Variants in ZNF200 observed in about 807,000 individuals in gnomAD.
ZNF200 encodes the protein zinc finger protein 200.
A neutral mutation model predicts 33.6 loss-of-function variants in ZNF200; 35 were observed. The observed-to-expected ratio is 1.04, with a 90% confidence interval of 0.80 to 1.38. The LOEUF is 1.38. Among genes scored for constraint, ZNF200 ranks in the 40% most tolerant of loss-of-function variants. The pLI is 0.00. For synonymous variants in ZNF200, 209 were observed against 167.7 expected, an observed-to-expected ratio of 1.25 and a Z score of -1.90; for missense variants, 592 against 470.6, an observed-to-expected ratio of 1.26 and a Z score of -2.39.
At chr16:3,229,583 C>T (rs1164113395) in intron 4 of ZNF200, among the ~76,000 whole-genome samples, 1 of 152,064 alleles carries the variant, frequency 6.6e-6, no homozygotes, top group Non-Finnish European at 1.5e-5. Context: ...TTAAATAATT[C>T]AAATGCTAGG....
At chr16:3,232,751 C>A in intron 3 of ZNF200, 82 bp downstream of exon 3, 1 of 1,502,056 alleles carries the variant, frequency 6.7e-7, no homozygotes, top group South Asian at 1.2e-5. Context: ...AAGGCCAACT[C>A]CTAAGAATGT....
rs1158533376 is a variant in ZNF200 at position 3,223,014 on chromosome 16, C to G, written c.*878G>C. ...ATCCAAGCCAACTTTTTCCTGCCTC[C>G]AGGTTGACCCTTCCTCTCTGGGTCT... On this transcript the variant is annotated 3_prime_UTR_variant, in exon 5 of 5. Coordinates refer to ENST00000414144, the MANE Select transcript of ZNF200 (RefSeq NM_198088.3). 6.6e-6 allele frequency: 1 copy of G among 152,234 alleles called. No homozygotes were observed. Among genetic ancestry groups the G allele is most frequent in the African/African-American group, 2.4e-5 (1 of 41,414 alleles). 9.4% of individuals were successfully genotyped at this position (152,234 alleles called of 1,614,324 possible). A position where few individuals can be genotyped will look rare whatever the true frequency, so the allele number is the denominator to read the frequency against.
chr16:3,229,061 T>C (rs1380386699), intron 4 of ZNF200, among the ~76,000 whole-genome samples: 2 of 152,178 alleles, frequency 1.3e-5, no homozygotes, highest in Non-Finnish European at 2.9e-5. Flanking sequence ...ATAACAACTA[T>C]TTATGTAGCA....
intron 1 of ZNF200, 65 bp from the exon 2 acceptor site, chr16:3,233,901 T>A: frequency 7.5e-7 from 1 of 1,338,864 alleles, no homozygotes; most frequent in Non-Finnish European, 1.0e-6. Flanking sequence ...CTCCAATATG[T>A]GGCATGGCTG....
intron 4 of ZNF200, among the ~76,000 whole-genome samples, chr16:3,231,897 A>T (rs1188809944): frequency 1.3e-5 from 2 of 152,214 alleles, no homozygotes; most frequent in African/African-American, 4.8e-5. Flanking sequence ...ACCACTCAGT[A>T]TTACTCTGAG....
intron 2 of ZNF200, among the ~76,000 whole-genome samples, chr16:3,233,151 A>G (rs1295894777): frequency 1.3e-5 from 2 of 152,204 alleles, no homozygotes; most frequent in Non-Finnish European, 2.9e-5. Flanking sequence ...AATTTCCCAT[A>G]GAGTATTACT....
chr16:3,233,124 C>A (rs1958688355), intron 2 of ZNF200, among the ~76,000 whole-genome samples: 1 of 152,174 alleles, frequency 6.6e-6, no homozygotes, highest in Non-Finnish European at 1.5e-5. Context: ...AGAATGACTT[C>A]TCTAAGCACC....
chr16:3,232,654 G>T, intron 3 of ZNF200, 107 bp from the exon 4 acceptor site: 1 of 1,521,634 alleles, frequency 6.6e-7, no homozygotes, highest in Non-Finnish European at 8.9e-7. Flanking sequence ...TAGCAAGAGG[G>T]ACCTATAAAT....
rs552843249 is a variant in ZNF200, at chr16:3,234,095, G to A, written c.-81-259C>T. On this transcript the variant is annotated intron_variant, in intron 1 of 4. Transcript: ENST00000414144. ...TAAGGGTGGAGCGGAGAAGGCCAAG[G>A]TCCAGCCTCCTGAGAAATACAAAGT... The A allele has an allele frequency of 1.4e-3, 256 of 186,092 alleles. 3 individuals carry two copies. Among genetic ancestry groups the A allele is most frequent in the Non-Finnish European group, 2.9e-4 (26 of 89,078 alleles). The allele number at this position is 186,092 out of a possible 1,614,324, so 11.5% of individuals were successfully genotyped here. A position where few individuals can be genotyped will look rare whatever the true frequency, so the allele number is the denominator to read the frequency against.
At chr16:3,232,794 G>C (rs1248489390) in intron 3 of ZNF200, 39 bp downstream of exon 3, 2 of 1,599,666 alleles carry the variant, frequency 1.3e-6, no homozygotes, top group South Asian at 2.2e-5. Flanking sequence ...AGCACGGAAG[G>C]TGATGGATTC....
At chr16:3,227,373 T>C (rs1958499828) in intron 4 of ZNF200, 1 of 152,260 alleles carries the variant, frequency 6.6e-6, no homozygotes, top group Admixed American at 6.5e-5. Flanking sequence ...CTTTTTATAT[T>C]TGTTTTAAAC....
chr16:3,234,546 A>C (rs548470083), intron 1 of ZNF200: 1 of 152,608 alleles, frequency 6.6e-6, no homozygotes, highest in East Asian at 1.9e-4. Flanking sequence ...TTGGAGAAAG[A>C]GCAATGGGCT....
intron 2 of ZNF200, 90 bp downstream of exon 2, chr16:3,233,416 C>T: frequency 6.8e-7 from 1 of 1,463,528 alleles, no homozygotes; most frequent in Non-Finnish European, 9.0e-7. Flanking sequence ...ATACACCATC[C>T]TAACTTGAAT....
intron 4 of ZNF200, among the ~76,000 whole-genome samples, chr16:3,228,205 A>G (rs1452158812): frequency 6.6e-6 from 1 of 152,190 alleles, no homozygotes; most frequent in South Asian, 2.1e-4. Flanking sequence ...CCCCATTTAT[A>G]TATGTGAAAG....
chr16:3,229,551 A>C (rs1184338893), intron 4 of ZNF200, among the ~76,000 whole-genome samples: 3 of 152,198 alleles, frequency 2.0e-5, no homozygotes, highest in Non-Finnish European at 4.4e-5. Flanking sequence ...TTCCACAGAA[A>C]ATTCTTCTAA....
intron 4 of ZNF200, among the ~76,000 whole-genome samples, chr16:3,228,545 A>C (rs1958540264): frequency 6.6e-6 from 1 of 151,936 alleles, no homozygotes; most frequent in Non-Finnish European, 1.5e-5. Context: ...CCTAGGCTGG[A>C]GTACAATGAT....
rs745705226 is a variant in ZNF200, at chr16:3,224,550, T to C, written c.530A>G (p.Tyr177Cys). Reference sequence around the variant, plus strand: ...ATCATCATCTGAAGACTTTTCTCTATAATCTTCATTTTCTACAGGTTCCCT... The same window carrying C: ...ATCATCATCTGAAGACTTTTCTCTACAATCTTCATTTTCTACAGGTTCCCT... ...PEREPVENED[Y>C]REKSSDDDEM... The change falls in exon 5 of 5, where the codon TAT becomes TGT. Residue 177 changes from tyrosine (Y) to cysteine (C), a missense_variant. By Grantham distance (194) the Tyr-to-Cys change is radical. Coordinates refer to ENST00000414144, the MANE Select transcript of ZNF200 (RefSeq NM_198088.3). 50 of 1,613,046 alleles carry C rather than the reference T, an allele frequency of 3.1e-5. No individual in the cohort carries two copies. In the East Asian group the frequency reaches 6.5e-4, roughly 21 times the overall value.
rs368361197 is a variant in ZNF200, at chr16:3,228,807, T to G, written c.466+3614A>C. Among the ~76,000 whole-genome samples, 43 of 152,258 alleles carry G rather than the reference T, an allele frequency of 2.8e-4. 2 individuals are homozygous for G. In the East Asian group the frequency reaches 3.9e-3, roughly 14 times the overall value. On this transcript the variant is annotated intron_variant, in intron 4 of 4. Coordinates refer to ENST00000414144, the MANE Select transcript of ZNF200 (RefSeq NM_198088.3). ...GAACCACTGTGCCCAGCATGGGGAC[T>G]GGATTTCAACACGAGATTTGGAGGG...
intron 1 of ZNF200, among the ~76,000 whole-genome samples, chr16:3,234,469 GAAAAAGAAA>G: frequency 6.6e-6 from 1 of 152,194 alleles, no homozygotes; most frequent in Admixed American, 6.5e-5. Context: ...AAAATAAAAG[GAAAAAGAAA>G]GAAAAGACAG....
Sources: allele counts gnomAD v4.1 joint callset (sites outside exome capture counted in the v4.1 genomes callset), GRCh38; gene constraint gnomAD v4.1.1; transcripts MANE v1.5; gene names NCBI Gene and HGNC (gene_info 2026-07-23, HGNC 2026-07-21).